The following KAT6A variants were observed in gnomAD, a reference collection of about 807,000 sequenced individuals.
KAT6A encodes the protein histone acetyltransferase KAT6A.
A neutral mutation model predicts 198.4 loss-of-function variants in KAT6A; 9 were observed. The ratio of observed to expected loss-of-function variants is 0.05; its 90% confidence interval spans 0.03 to 0.08. The LOEUF (loss-of-function observed/expected upper bound fraction) is 0.08, where lower values mean the gene tolerates loss of function less well. KAT6A is among the 10% of genes least tolerant of loss of function. KAT6A has a pLI of 1.00. For synonymous variants in KAT6A, 890 were observed against 883.0 expected (o/e 1.01, Z -0.14); for missense variants, 2,077 against 2,509.9 (o/e 0.83, Z 3.69).
intron 2 of KAT6A, among the ~76,000 whole-genome samples, chr8:42,002,938 TG>T (rs1825566081): frequency 6.6e-6 from 1 of 152,152 alleles, no homozygotes; most frequent in South Asian, 2.1e-4. Context: ...ACTGCCAAAG[TG>T]AATTTCAGGG....
Position 42,048,747 on chromosome 8 carries a change from A to G in KAT6A, c.231T>C (p.Pro77=), listed in dbSNP as rs1802449813. 2.5e-6 allele frequency: 4 copies of G among 1,614,112 alleles called. No homozygotes were observed. Among genetic ancestry groups the G allele is most frequent in the Non-Finnish European group, 3.4e-6 (4 of 1,180,046 alleles). The change falls in exon 2 of 17, where the codon CCT becomes CCC. Residue 77 remains proline (P), a synonymous_variant. Transcript: ENST00000265713. ...GAGGCTTAGGAAGTGCTATTCGCCC[A>G]GGATTATCAGGATCTTTATAGGAAT... ...GLNSYKDPDN[P]GRIALPKPRN...
rs183168975 is a variant in KAT6A, at chr8:41,936,153, T to C, written c.3352+1103A>G. The stretch of plus-strand genomic sequence containing the variant: ...GGCGTGCACCTATAATCCCAACTAC[T>C]TGGGATGCTGAGGCACGAGAATCGC... On this transcript the variant is annotated intron_variant, in intron 16 of 16. Coordinates refer to ENST00000265713, the MANE Select transcript of KAT6A (RefSeq NM_006766.5). 4.1e-4 allele frequency among the ~76,000 whole-genome samples: 63 copies of C among 152,110 alleles called. No homozygotes were observed. In the East Asian group the frequency reaches 0.012, roughly 29 times the overall value.
chr8:41,952,691 A>G (rs972686080), intron 9 of KAT6A, among the ~76,000 whole-genome samples: 4 of 152,206 alleles, frequency 2.6e-5, no homozygotes, highest in African/African-American at 7.2e-5. Context: ...TAAGAAAATA[A>G]TTTATAAGCA....
intron 2 of KAT6A, among the ~76,000 whole-genome samples, chr8:42,024,986 T>C (rs1826729782): frequency 6.6e-6 from 1 of 152,192 alleles, no homozygotes. Context: ...CTGGATCATA[T>C]GGCAATTCTA....
At position 41,946,890 on chromosome 8, in the gene KAT6A, G is replaced by A. The variant is rs77695125; in HGVS notation, c.1903-206C>T. On this transcript the variant is annotated intron_variant, in intron 11 of 16. Transcript: ENST00000265713. Reference sequence around the variant, plus strand: ...TACCCACAAAGCAACCATCCCAGGAGAGTAAAAATATATAACAAAACAATG... The same window carrying A: ...TACCCACAAAGCAACCATCCCAGGAAAGTAAAAATATATAACAAAACAATG... Among the ~76,000 whole-genome samples the A allele has an allele frequency of 5.4e-3, 818 of 152,210 alleles. 9 individuals are homozygous for A. Among genetic ancestry groups the A allele is most frequent in the African/African-American group, 0.019 (793 of 41,492 alleles).
intron 2 of KAT6A, among the ~76,000 whole-genome samples, chr8:42,005,430 G>C (rs903354784): frequency 1.3e-5 from 2 of 152,200 alleles, no homozygotes; most frequent in South Asian, 2.1e-4. Context: ...TGTGATAAGG[G>C]TGGAGAACAT....
intron 2 of KAT6A, among the ~76,000 whole-genome samples, chr8:42,044,723 G>A (rs6988342): frequency 2.6e-5 from 4 of 152,152 alleles, no homozygotes; most frequent in Non-Finnish European, 5.9e-5. Flanking sequence ...ACCTGCATTA[G>A]CATCCCAGAG....
chr8:42,026,888 G>A (rs768024640), intron 2 of KAT6A, among the ~76,000 whole-genome samples: 7 of 152,080 alleles, frequency 4.6e-5, no homozygotes, highest in Admixed American at 2.0e-4. Flanking sequence ...TTAGTATAAC[G>A]TTAGCTGTGG....
At position 41,977,296 on chromosome 8, in the gene KAT6A, C is replaced by T. The variant is rs1165971776; in HGVS notation, c.1075G>A (p.Gly359Ser). The T allele has an allele frequency of 2.5e-6, 4 of 1,613,894 alleles. No homozygotes were observed. The highest frequency in any genetic ancestry group is 3.4e-6 in the Non-Finnish European group (4 of 1,179,904). The stretch of plus-strand genomic sequence containing the variant: ...TTTCGTTTCCTACCCCTTCCAGGGC[C>T]AGTTCGAACTTTGCTGAAGGGACCT... ...SKGPFSKVRT[G>S]PGRGRKRKIT... is the part of the protein sequence containing the mutation. The change falls in exon 7 of 17, where the codon GGC (glycine) becomes AGC (serine). Residue 359 changes from glycine (G) to serine (S), a missense_variant. This residue lies in a region of KAT6A where 206 missense variants were observed against 214.9 expected (regional missense o/e 0.96). Transcript: ENST00000265713.
chr8:42,021,578 C>T (rs1826537073), intron 2 of KAT6A, among the ~76,000 whole-genome samples: 1 of 152,130 alleles, frequency 6.6e-6, no homozygotes, highest in Admixed American at 6.5e-5. Context: ...GGAATCTCTG[C>T]TCTTAATACT....
In KAT6A at chr8:41,933,583, A is replaced by G; in HGVS notation, c.4637T>C (p.Val1546Ala). Residue 1546 changes from valine (V) to alanine (A), a missense_variant, in exon 17 of 17, where the codon GTG (valine) becomes GCG (alanine). Transcript: ENST00000265713. The surrounding 1 kb of genome is among the most constrained non-coding windows in gnomAD (Gnocchi z 6.2). ...GCCCAGGTCACTGAAGCCGCTGTCC[A>G]CCACCTGCTGAGAGTGGTCTGATAC... Reference protein sequence around the residue: ...PSVSDHSQQVVDSGFSDLGSI... With the variant: ...PSVSDHSQQVADSGFSDLGSI... The G allele has an allele frequency of 6.2e-7, 1 of 1,614,094 alleles. No individual in the cohort carries two copies. Among genetic ancestry groups the G allele is most frequent in the Non-Finnish European group, 8.5e-7 (1 of 1,180,016 alleles).
intron 6 of KAT6A, among the ~76,000 whole-genome samples, chr8:41,978,027 A>G (rs1222046329): frequency 1.3e-5 from 2 of 152,244 alleles, no homozygotes; most frequent in Admixed American, 1.3e-4. Flanking sequence ...TTAAAAAGAC[A>G]AAACTAGCTA....
chr8:41,951,567 G>T (rs908441143), intron 9 of KAT6A, among the ~76,000 whole-genome samples: 5 of 152,176 alleles, frequency 3.3e-5, no homozygotes, highest in Admixed American at 2.6e-4. Context: ...CTATCAAACA[G>T]GTAGCTGTAC....
intron 14 of KAT6A, 54 bp from the exon 15 acceptor site, chr8:41,941,498 C>T: frequency 6.6e-7 from 1 of 1,518,450 alleles, no homozygotes; most frequent in Non-Finnish European, 8.8e-7. Context: ...TGTTTGCTTA[C>T]ATTTACCTAT....
At chr8:42,019,716 C>A (rs768066734) in intron 2 of KAT6A, among the ~76,000 whole-genome samples, 1 of 152,146 alleles carries the variant, frequency 6.6e-6, no homozygotes, top group South Asian at 2.1e-4. Context: ...GGGGATTACA[C>A]AGTTTTCAAT....
chr8:42,031,617 CTTTTTTTTTTTTTTT>C (rs11329714), intron 2 of KAT6A, among the ~76,000 whole-genome samples: 19 of 65,102 alleles, frequency 2.9e-4, no homozygotes, highest in African/African-American at 4.1e-4. Flanking sequence ...GGAGCATTCA[CTTTTTTTTTTTTTTT>C]TTTTTTTTTT....
At chr8:41,969,193 A>C (rs950281471) in intron 8 of KAT6A, among the ~76,000 whole-genome samples, 2 of 152,188 alleles carry the variant, frequency 1.3e-5, no homozygotes, top group Non-Finnish European at 2.9e-5. Context: ...TGCTGCTGTA[A>C]GACTACCAAA....
At position 41,929,802 on chromosome 8, in the gene KAT6A, AAG is replaced by A. The variant is rs1821435234; in HGVS notation, c.*2401_*2402del. On this transcript the variant is annotated 3_prime_UTR_variant, in exon 17 of 17. Coordinates refer to ENST00000265713, the MANE Select transcript of KAT6A (RefSeq NM_006766.5). Reference sequence around the variant, plus strand: ...TTCACACACGCTAGAGATCTCTTTAAAGAGAATTTATCTTTCTTAAAATAGTT... The same window carrying A: ...TTCACACACGCTAGAGATCTCTTTAAAGAATTTATCTTTCTTAAAATAGTT... 1 of 195,154 alleles carries A rather than the reference AAG, an allele frequency of 5.1e-6. No homozygotes were observed. Among genetic ancestry groups the A allele is most frequent in the Non-Finnish European group, 1.1e-5 (1 of 93,844 alleles). The allele number at this position is 195,154 out of a possible 1,614,324, so 12.1% of individuals were successfully genotyped here. A position where few individuals can be genotyped will look rare whatever the true frequency, so the allele number is the denominator to read the frequency against.
intron 8 of KAT6A, among the ~76,000 whole-genome samples, chr8:41,970,545 C>T (rs12216862): frequency 0.24 from 36,890 of 152,072 alleles, 5,109 homozygotes; most frequent in Middle Eastern, 0.43. Context: ...ATTTACTGAG[C>T]CTTTACTATA....
Sources: gnomAD v4.1 joint callset for allele counts (sites outside exome capture counted in the v4.1 genomes callset) on GRCh38, gnomAD v4.1.1 for gene constraint, gnomAD v4.1.1 regional missense constraint, Gnocchi (gnomAD v3.1) non-coding constraint, MANE v1.5 for transcripts, NCBI Gene and HGNC (gene_info 2026-07-23, HGNC 2026-07-21) for gene names.